HYDIN: variants seen among roughly 807,000 people sequenced by gnomAD.
The protein encoded by HYDIN is HYDIN axonemal central pair apparatus protein.
A neutral mutation model predicts 403.9 loss-of-function variants in HYDIN; 132 were observed. The observed-to-expected ratio is 0.33, with a 90% CI of 0.28 to 0.38. HYDIN has a LOEUF of 0.38. Ranked by LOEUF, HYDIN falls within the 10% of genes least tolerant of loss-of-function variation. HYDIN has a pLI of 1.00. For missense variants in HYDIN, 2,827 were observed against 5,009.5 expected (o/e 0.56, Z 13.15); for synonymous variants, 1,202 against 1,891.7 (o/e 0.64, Z 9.46).
intron 66 of HYDIN, among the ~76,000 whole-genome samples, chr16:70,866,843 G>A (rs543813953): frequency 6.6e-6 from 1 of 151,980 alleles, no homozygotes; most frequent in African/African-American, 2.4e-5. Flanking sequence ...TGGCCAACAT[G>A]GTGAAACCCT....
chr16:71,116,208 A>G (rs972748465), intron 9 of HYDIN, among the ~76,000 whole-genome samples: 4 of 149,512 alleles, frequency 2.7e-5, no homozygotes, highest in African/African-American at 9.9e-5. Flanking sequence ...ATCTCTTACC[A>G]AACTGTTTCT....
chr16:71,070,445 A>G (rs976565593), intron 13 of HYDIN, among the ~76,000 whole-genome samples: 25 of 150,010 alleles, frequency 1.7e-4, no homozygotes, highest in African/African-American at 5.2e-4. Context: ...CAGCCTCCTG[A>G]GTAGCTGGGA....
At chr16:70,894,385 T>A in intron 55 of HYDIN, 64 bp downstream of exon 55, 1 of 1,607,832 alleles carries the variant, frequency 6.2e-7, no homozygotes, top group Non-Finnish European at 8.5e-7. Flanking sequence ...CACGATCTCA[T>A]ATTTCCCCAC....
rs746665991 is a variant in HYDIN at position 71,064,767 on chromosome 16, C to T, written c.2149G>A (p.Glu717Lys). 21 of 1,613,890 alleles carry T rather than the reference C, an allele frequency of 1.3e-5. No individual in the cohort carries two copies. Among genetic ancestry groups the T allele is most frequent in the Non-Finnish European group, 1.7e-5 (20 of 1,179,970 alleles). ...TGATTGGCAAGCTGGAGTGTTTTCT[C>T]ATACGGGTACTTCAGGAAGCAGTGC... ...FGHCFLKYPY[E>K]KTLQLANQDD... is the part of the protein sequence containing the mutation. The change falls in exon 16 of 86, where the codon GAG becomes AAG. Residue 717 changes from glutamate to lysine, a missense_variant. By Grantham distance (56) the Glu-to-Lys change is moderately conservative. Transcript: ENST00000393567.
At chr16:71,087,362 T>G (rs1041462804) in intron 12 of HYDIN, among the ~76,000 whole-genome samples, 3 of 151,082 alleles carry the variant, frequency 2.0e-5, no homozygotes, top group African/African-American at 4.9e-5. Context: ...CTTTATTTTT[T>G]CACATGGCCC....
chr16:70,939,363 T>C (rs548400210), intron 43 of HYDIN, among the ~76,000 whole-genome samples: 107 of 152,356 alleles, frequency 7.0e-4, no homozygotes, highest in African/African-American at 2.5e-3. Flanking sequence ...TTCTCCATAA[T>C]GATCCACTTG....
Position 70,882,914 on chromosome 16 carries a change from A to C in HYDIN, c.9980-19T>G. The C allele has an allele frequency of 6.4e-7, 1 of 1,566,940 alleles. No homozygotes were observed. The highest frequency in any genetic ancestry group is 8.8e-7 in the Non-Finnish European group (1 of 1,137,172). On this transcript the variant is annotated intron_variant, in intron 59 of 85. Coordinates refer to ENST00000393567, the MANE Select transcript of HYDIN (RefSeq NM_001270974.2). ...ACGAAGGCTGGGGAGTGAAGGGGAG[A>C]CCATGAGATGCTGCCTGATTGCTGG...
At chr16:71,089,686 T>G (rs934515738) in intron 11 of HYDIN, among the ~76,000 whole-genome samples, 1 of 152,100 alleles carries the variant, frequency 6.6e-6, no homozygotes, top group Non-Finnish European at 1.5e-5. Flanking sequence ...TAGTGGGGCA[T>G]GACTGCAGAA....
intron 21 of HYDIN, among the ~76,000 whole-genome samples, chr16:71,022,877 A>C (rs940954864): frequency 7.9e-5 from 12 of 151,806 alleles, no homozygotes; most frequent in Non-Finnish European, 1.2e-4. Context: ...AACAGTAGAC[A>C]TTTAAATAAA....
rs2035101077 is a variant in HYDIN, at chr16:70,806,265, G to A, written c.*1315C>T. ...TATGGAGTGTTCAGTACTATCTGTGGTTTCAGGCATCTACTGGGCACCTTG... is the reference window on the plus strand; with the variant it reads ...TATGGAGTGTTCAGTACTATCTGTGATTTCAGGCATCTACTGGGCACCTTG... On this transcript the variant is annotated 3_prime_UTR_variant, in exon 86 of 86. Transcript: ENST00000393567. Among the ~76,000 whole-genome samples the A allele has an allele frequency of 6.6e-6, 1 of 152,196 alleles. No homozygotes were observed. The highest frequency in any genetic ancestry group is 6.5e-5 in the Admixed American group (1 of 15,284).
chr16:71,186,367 T>C (rs2087150379), intron 2 of HYDIN, among the ~76,000 whole-genome samples: 1 of 152,142 alleles, frequency 6.6e-6, no homozygotes, highest in South Asian at 2.1e-4. Context: ...TCTATAAATA[T>C]ACAAACAAAA....
At position 70,962,022 on chromosome 16, in the gene HYDIN, C is replaced by T. The variant is rs1328412762; in HGVS notation, c.5905G>A (p.Glu1969Lys). The change falls in exon 38 of 86, where the codon GAG becomes AAG. Residue 1969 changes from glutamate (E) to lysine (K), a missense_variant. Glu to Lys is a moderately conservative substitution (Grantham distance 56, BLOSUM62 1). Coordinates refer to ENST00000393567, the MANE Select transcript of HYDIN (RefSeq NM_001270974.2). ...TCTTCCTCTAGGTAGGTTTTGGACT[C>T]GACCAACAGGGCGTGCCATTCTTCC... is the stretch of plus-strand genomic sequence containing the variant. Reference protein sequence around the residue: ...NLEEWHALLVESKTYLEEEED... With the variant: ...NLEEWHALLVKSKTYLEEEED... 4.2e-6 allele frequency: 5 copies of T among 1,202,380 alleles called. No individual in the cohort carries two copies. The highest frequency in any genetic ancestry group is 2.0e-5 in the African/African-American group (1 of 49,046). 74.5% of individuals were successfully genotyped at this position (1,202,380 alleles called of 1,614,324 possible).
intron 1 of HYDIN, among the ~76,000 whole-genome samples, chr16:71,204,440 G>C (rs2088187419): frequency 6.6e-6 from 1 of 152,218 alleles, no homozygotes; most frequent in South Asian, 2.1e-4. Flanking sequence ...ATTTCCAGAA[G>C]CAAGTGAACA....
At chr16:71,222,457 T>C (rs1459331140) in intron 1 of HYDIN, among the ~76,000 whole-genome samples, 1 of 152,112 alleles carries the variant, frequency 6.6e-6, no homozygotes, top group Non-Finnish European at 1.5e-5. Flanking sequence ...ACCACTTTTA[T>C]TTGACATAAT....
At chr16:71,136,439 A>C (rs1212703100) in intron 8 of HYDIN, among the ~76,000 whole-genome samples, 9 of 151,756 alleles carry the variant, frequency 5.9e-5, no homozygotes, top group Non-Finnish European at 7.4e-5. Flanking sequence ...TGCCAATCCA[A>C]AATAGATTAT....
intron 25 of HYDIN, among the ~76,000 whole-genome samples, chr16:70,990,276 TCCC>T (rs71949681): frequency 0.075 from 11,167 of 148,010 alleles, 463 homozygotes; most frequent in Middle Eastern, 0.15. Flanking sequence ...GTGCCTGTAA[TCCC>T]AGCTATTTGG....
At chr16:71,051,908 A>G (rs1266922670) in intron 18 of HYDIN, among the ~76,000 whole-genome samples, 7 of 152,214 alleles carry the variant, frequency 4.6e-5, no homozygotes. Flanking sequence ...GCTCCTATAA[A>G]TTATTATCTA....
intron 19 of HYDIN, among the ~76,000 whole-genome samples, chr16:71,029,781 G>A (rs1336627631): frequency 2.6e-5 from 4 of 151,882 alleles, no homozygotes; most frequent in African/African-American, 7.2e-5. Context: ...ATATTTTGTA[G>A]ATGGAGCAGA....
intron 39 of HYDIN, among the ~76,000 whole-genome samples, chr16:70,956,827 A>C (rs2078255090): frequency 6.6e-6 from 1 of 151,952 alleles, no homozygotes; most frequent in South Asian, 2.1e-4. Context: ...TGAAGCCATG[A>C]AGTCTGTGGT....
Sources: gnomAD v4.1 joint callset for allele counts (sites outside exome capture counted in the v4.1 genomes callset) on GRCh38, gnomAD v4.1.1 for gene constraint, MANE v1.5 for transcripts, NCBI Gene and HGNC (gene_info 2026-07-23, HGNC 2026-07-21) for gene names.